DOCK9: variants seen among roughly 807,000 people sequenced by gnomAD.
DOCK9 encodes dedicator of cytokinesis 9.
DOCK9 carries 89 observed loss-of-function variants against 263.3 expected under a neutral mutation model. The observed-to-expected ratio is 0.34, with a 90% CI of 0.28 to 0.40. The LOEUF (loss-of-function observed/expected upper bound fraction) is 0.40. Ranked by LOEUF, DOCK9 falls within the 10% of genes least tolerant of loss-of-function variation. The pLI, the probability that DOCK9 is intolerant of heterozygous loss-of-function variation, is 1.00. For synonymous variants in DOCK9, 976 were observed against 973.1 expected (o/e 1.00, Z -0.06); for missense variants, 2,140 against 2,603.4 (o/e 0.82, Z 3.87).
chr13:98,863,008 T>A lies in DOCK9; in HGVS notation c.3579+11A>T. The A allele has an allele frequency of 1.3e-6, 2 of 1,592,650 alleles. No homozygotes were observed. The highest frequency in any genetic ancestry group is 8.6e-7 in the Non-Finnish European group (1 of 1,168,848). ...GATATAGGCTGAGTTAATGTGACCA[T>A]GCTTACGTACCATGCCCGCGTTCAC... On this transcript the variant is annotated intron_variant, in intron 32 of 52. Transcript: ENST00000682017.
intron 10 of DOCK9, 24 bp downstream of exon 10, chr13:98,904,608 A>G: frequency 1.3e-6 from 2 of 1,510,960 alleles, no homozygotes; most frequent in Non-Finnish European, 1.8e-6. Context: ...GGTTTTAAAT[A>G]TTAAACATTT....
chr13:98,809,125 C>T (rs1594203211), intron 47 of DOCK9: 1 of 1,545,570 alleles, frequency 6.5e-7, no homozygotes, highest in Non-Finnish European at 8.7e-7. Context: ...GAACTTACCG[C>T]TGCCTTAAGA....
In DOCK9 at chr13:99,006,821, G is replaced by A. The variant is rs1475246493; in HGVS notation, c.130-51270C>T. Among the ~76,000 whole-genome samples the A allele has an allele frequency of 3.3e-5, 5 of 152,264 alleles. 1 individual carries two copies. The highest frequency in any genetic ancestry group is 1.2e-4 in the African/African-American group (5 of 41,548). ...AAAGCAAAAAGCATGGTGGGGTGTGGTGGCTCACACCTGTAATCCCAGCAC... is the reference window on the plus strand; with the variant it reads ...AAAGCAAAAAGCATGGTGGGGTGTGATGGCTCACACCTGTAATCCCAGCAC... On this transcript the variant is annotated intron_variant, in intron 1 of 32. Coordinates refer to the DOCK9 transcript ENST00000427887.
chr13:98,975,994 C>T (rs1231718613), intron 1 of DOCK9, among the ~76,000 whole-genome samples: 2 of 152,240 alleles, frequency 1.3e-5, no homozygotes, highest in Non-Finnish European at 1.5e-5. Flanking sequence ...TGGGCAGCAA[C>T]AGCCACAGGT....
intron 1 of DOCK9, among the ~76,000 whole-genome samples, chr13:98,986,444 C>G (rs1878470891): frequency 6.6e-6 from 1 of 152,244 alleles, no homozygotes; most frequent in Non-Finnish European, 1.5e-5. Flanking sequence ...TAAAGTCCAC[C>G]AGAAACTTTA....
intron 22 of DOCK9, among the ~76,000 whole-genome samples, 155 bp from the exon 23 acceptor site, chr13:98,883,286 C>T (rs561626753): frequency 2.6e-4 from 39 of 152,100 alleles, no homozygotes; most frequent in African/African-American, 8.9e-4. Flanking sequence ...CTTGCTCTGT[C>T]GCCCTGGCTG....
At chr13:98,801,244 C>T (rs914999814) in intron 49 of DOCK9, among the ~76,000 whole-genome samples, 35 of 152,170 alleles carry the variant, frequency 2.3e-4, no homozygotes, top group African/African-American at 8.4e-4. Context: ...GTGATTGTGC[C>T]ACTGCACTCC....
At chr13:98,795,841 C>T (rs2089312275) in intron 52 of DOCK9, among the ~76,000 whole-genome samples, 1 of 151,914 alleles carries the variant, frequency 6.6e-6, no homozygotes, top group Admixed American at 6.6e-5. Flanking sequence ...TCACTGCAGC[C>T]TCCACCTCCT....
At chr13:98,891,261 G>A (rs925705241) in intron 15 of DOCK9, among the ~76,000 whole-genome samples, 1 of 152,020 alleles carries the variant, frequency 6.6e-6, no homozygotes, top group African/African-American at 2.4e-5. Flanking sequence ...CTTCAGACAG[G>A]GGGTTTTATG....
rs71114576 is a variant in DOCK9, at chr13:99,060,062, C to CTTT, written c.129+26158_129+26160dup. ...AGTTACAGACATTTGATTGTTTCTA[C>CTTT]TTTTTTTTTTTTTTTTTTTTTTTTT... On this transcript the variant is annotated intron_variant, in intron 1 of 32. Coordinates refer to the DOCK9 transcript ENST00000427887. 4.5e-3 allele frequency among the ~76,000 whole-genome samples: 278 copies of CTTT among 61,458 alleles called. 60 individuals are homozygous for CTTT. The highest frequency in any genetic ancestry group is 0.016 in the African/African-American group (199 of 12,594). 40.3% of individuals were successfully genotyped at this position (61,458 alleles called of 152,430 possible). A position where few individuals can be genotyped will look rare whatever the true frequency, so the allele number is the denominator to read the frequency against.
In DOCK9 at chr13:98,955,421, A is replaced by G. The variant is rs1390919036; in HGVS notation, c.243+14T>C. 1 of 1,541,456 alleles carries G rather than the reference A, an allele frequency of 6.5e-7. No individual in the cohort carries two copies. Among genetic ancestry groups the G allele is most frequent in the African/African-American group, 1.4e-5 (1 of 73,448 alleles). On this transcript the variant is annotated intron_variant, in intron 2 of 52. Coordinates refer to ENST00000682017, the MANE Select transcript of DOCK9 (RefSeq NM_001366683.2). ...AACACGTGGTTCTACGGATAGAAAC[A>G]TAACGTTACTTACCTGAAAGTCATC... is the stretch of plus-strand genomic sequence containing the variant.
chr13:99,088,428 A>G (rs528566189), upstream of DOCK9: 1 of 152,328 alleles, frequency 6.6e-6, no homozygotes, highest in Non-Finnish European at 1.5e-5. Context: ...GTGGCCGTTC[A>G]GTTCTCATTT....
chr13:98,809,463 C>A lies in DOCK9; in HGVS notation c.5256G>T (p.Arg1752Ser). ...PIYEKRRDFE[R>S]LAHLYDTLHR... ...GCAGCGTGTCATACAGATGGGCCAG[C>A]CTCTGGAAAGCAGAACAAAGCCCAT... is the stretch of plus-strand genomic sequence containing the variant. Residue 1752 changes from arginine to serine, a missense_variant and splice_region_variant, in exon 47 of 53, where the codon AGG (arginine) becomes AGT (serine). Transcript: ENST00000682017. 6.3e-7 allele frequency: 1 copy of A among 1,594,344 alleles called. No homozygotes were observed. Among genetic ancestry groups the A allele is most frequent in the Non-Finnish European group, 8.5e-7 (1 of 1,173,126 alleles).
chr13:98,976,729 T>C (rs9513521), intron 1 of DOCK9, among the ~76,000 whole-genome samples: 22,597 of 152,210 alleles, frequency 0.15, 2,418 homozygotes, highest in East Asian at 0.43. Flanking sequence ...GACCATGATA[T>C]TTTACTAACT....
intron 9 of DOCK9, among the ~76,000 whole-genome samples, chr13:98,908,780 G>A (rs568759168): frequency 3.9e-5 from 6 of 152,336 alleles, no homozygotes; most frequent in African/African-American, 1.2e-4. Context: ...GGAGGATGAA[G>A]GGAAAAGGTG....
chr13:99,032,265 G>A (rs898933820), intron 1 of DOCK9, among the ~76,000 whole-genome samples: 3 of 152,100 alleles, frequency 2.0e-5, no homozygotes, highest in African/African-American at 7.2e-5. Context: ...AAGCTCAGGA[G>A]TTCGAAACCA....
intron 1 of DOCK9, among the ~76,000 whole-genome samples, chr13:99,082,398 A>G (rs141721934): frequency 1.2e-3 from 180 of 151,878 alleles, no homozygotes; most frequent in African/African-American, 4.1e-3. Flanking sequence ...GGGCGCCTAT[A>G]ATCTCAGCTA....
intron 32 of DOCK9, among the ~76,000 whole-genome samples, chr13:98,861,862 C>T (rs571528943): frequency 5.3e-4 from 80 of 152,220 alleles, no homozygotes; most frequent in Non-Finnish European, 1.0e-3. Flanking sequence ...GGAGGTGGAG[C>T]CTCATGTCCC....
intron 1 of DOCK9, among the ~76,000 whole-genome samples, chr13:98,998,307 C>T (rs1443555552): frequency 1.3e-5 from 2 of 152,156 alleles, no homozygotes; most frequent in Non-Finnish European, 1.5e-5. Flanking sequence ...GTAGGACCCA[C>T]CCTACCCTCA....
Sources: allele counts gnomAD v4.1 joint callset (sites outside exome capture counted in the v4.1 genomes callset), GRCh38; gene constraint gnomAD v4.1.1; transcripts MANE v1.5; gene names NCBI Gene and HGNC (gene_info 2026-07-23, HGNC 2026-07-21).